YLPM1: variants seen among roughly 807,000 people sequenced by gnomAD.
The protein encoded by YLPM1 is YLP motif containing 1, also known as YLP motif-containing protein 1.
YLPM1 carries 99 observed loss-of-function variants against 230.0 expected under a neutral mutation model. That is an observed-to-expected ratio of 0.43 (90% CI 0.37 to 0.51). The LOEUF is 0.51. Among genes scored for constraint, YLPM1 ranks in the 20% least tolerant of loss-of-function variants. YLPM1 has a pLI of 0.00. For missense variants in YLPM1, 2,592 were observed against 2,707.7 expected (o/e 0.96, Z 0.95); for synonymous variants, 984 against 942.5 (o/e 1.04, Z -0.81).
At chr14:74,829,057 C>T (rs1362052342) in intron 18 of YLPM1, among the ~76,000 whole-genome samples, 156 bp from the exon 19 acceptor site, 1 of 152,190 alleles carries the variant, frequency 6.6e-6, no homozygotes, top group African/African-American at 2.4e-5. Flanking sequence ...TTGATATTAT[C>T]TCAGCCAAGA....
At position 74,799,021 on chromosome 14, in the gene YLPM1, T is replaced by C. The variant is rs1245491255; in HGVS notation, c.3724T>C (p.Tyr1242His). ...CTATCAAGATGATACACTAGAGCTCTATAACAGAGAGGACAGGTTCTCAGC... is the reference window on the plus strand; with the variant it reads ...CTATCAAGATGATACACTAGAGCTCCATAACAGAGAGGACAGGTTCTCAGC... ...RDYQDDTLEL[Y>H]NREDRFSAPP... The change falls in exon 5 of 21, where the codon TAT (tyrosine) becomes CAT (histidine). Residue 1242 changes from tyrosine to histidine, a missense_variant. Coordinates refer to ENST00000325680, the MANE Select transcript of YLPM1 (RefSeq NM_019589.3). 5.0e-6 allele frequency: 8 copies of C among 1,613,750 alleles called. No individual in the cohort carries two copies. Among genetic ancestry groups the C allele is most frequent in the Admixed American group, 1.7e-5 (1 of 60,006 alleles).
In YLPM1 at chr14:74,793,826, CTGGT is replaced by C. The variant is rs1388902513; in HGVS notation, c.2283-3751_2283-3748del. ...AAGAGACATTCAGCCTAAGGAAAGGCTGGTTGATGGTTCCGAATATAGATTTACG... is the reference window on the plus strand; with the variant it reads ...AAGAGACATTCAGCCTAAGGAAAGGCTGATGGTTCCGAATATAGATTTACG... On this transcript the variant is annotated intron_variant, in intron 4 of 20. Transcript: ENST00000325680. Among the ~76,000 whole-genome samples, 6 of 152,174 alleles carry C rather than the reference CTGGT, an allele frequency of 3.9e-5. No homozygotes were observed. In the East Asian group the frequency reaches 1.2e-3, roughly 29 times the overall value.
At chr14:74,768,951 G>A (rs544813758) in intron 1 of YLPM1, among the ~76,000 whole-genome samples, 31 of 151,956 alleles carry the variant, frequency 2.0e-4, no homozygotes, top group Non-Finnish European at 4.1e-4. Context: ...AGGATCTAGC[G>A]CATAGGAGGT....
chr14:74,770,439 C>T (rs1047136594), intron 1 of YLPM1, among the ~76,000 whole-genome samples: 1 of 151,840 alleles, frequency 6.6e-6, no homozygotes, highest in African/African-American at 2.4e-5. Flanking sequence ...GCCTGGCCAA[C>T]ATGGTGAAAT....
chr14:74,831,887 G>T lies in YLPM1; in HGVS notation c.6294+2544G>T, dbSNP rs574659535. Among the ~76,000 whole-genome samples, 8 of 152,284 alleles carry T rather than the reference G, an allele frequency of 5.3e-5. No individual in the cohort carries two copies. In the East Asian group the frequency reaches 1.3e-3, roughly 26 times the overall value. On this transcript the variant is annotated intron_variant, in intron 19 of 20. Transcript: ENST00000325680. ...TGGTTCTGTAGAGTTGGTTATATTA[G>T]AATTTTGCCTAAATGGCTAGGCTTT...
chr14:74,793,861 T>C (rs190424605), intron 4 of YLPM1, among the ~76,000 whole-genome samples: 2 of 152,346 alleles, frequency 1.3e-5, no homozygotes, highest in Admixed American at 6.5e-5. Context: ...TTACGTATTT[T>C]TAGCCCCAAG....
chr14:74,813,943 G>C (rs373595508), intron 11 of YLPM1, among the ~76,000 whole-genome samples: 42 of 152,258 alleles, frequency 2.8e-4, no homozygotes, highest in African/African-American at 9.4e-4. Context: ...TGAATTGAAT[G>C]CCTTTTATTT....
intron 17 of YLPM1, chr14:74,823,968 A>G (rs1000876198): frequency 1.0e-5 from 3 of 292,846 alleles, no homozygotes; most frequent in Non-Finnish European, 1.3e-5. Context: ...TTTGCTATAC[A>G]GCTGTTGTTC....
chr14:74,835,390 C>CA lies in YLPM1; in HGVS notation c.6422dup (p.Asn2141LysfsTer12). On this transcript the variant is annotated frameshift_variant, in exon 20 of 21. Coordinates refer to ENST00000325680, the MANE Select transcript of YLPM1 (RefSeq NM_019589.3). LOFTEE classifies it high-confidence loss of function. ...GTGGTCACCTGGCTGAAAAAGCCCTCAATCGAACCAAATATATATGAGACT... is the reference window on the plus strand; with the variant it reads ...GTGGTCACCTGGCTGAAAAAGCCCTCAAATCGAACCAAATATATATGAGACT... The CA allele has an allele frequency of 6.2e-7, 1 of 1,613,586 alleles. No homozygotes were observed. Among genetic ancestry groups the CA allele is most frequent in the Non-Finnish European group, 8.5e-7 (1 of 1,179,636 alleles).
In YLPM1 at chr14:74,812,803, T is replaced by G. The variant is rs751898668; in HGVS notation, c.5502+21T>G. The G allele has an allele frequency of 1.9e-5, 31 of 1,606,866 alleles. 1 individual carries two copies. The South Asian group carries it at 3.1e-4, about 16-fold the overall frequency. On this transcript the variant is annotated intron_variant, in intron 11 of 20. Transcript: ENST00000325680. ...AGAGAGTGAGTCCTATGAAGTTGAT[T>G]CGTCTTCGTGCAAACCAGAAGATAA... is the stretch of plus-strand genomic sequence containing the variant.
At chr14:74,784,757 C>T (rs1020450290) in intron 4 of YLPM1, among the ~76,000 whole-genome samples, 6 of 152,250 alleles carry the variant, frequency 3.9e-5, no homozygotes, top group African/African-American at 1.4e-4. Flanking sequence ...TACAGCATGT[C>T]ACTACAGTTA....
chr14:74,784,414 C>G (rs1025111696), intron 4 of YLPM1, among the ~76,000 whole-genome samples: 3 of 152,148 alleles, frequency 2.0e-5, no homozygotes, highest in Admixed American at 2.0e-4. Flanking sequence ...CTTATTTATT[C>G]CTCTTAGTGA....
At chr14:74,811,965 T>C (rs1465210387) in intron 10 of YLPM1, among the ~76,000 whole-genome samples, 1 of 152,232 alleles carries the variant, frequency 6.6e-6, no homozygotes, top group Non-Finnish European at 1.5e-5. Flanking sequence ...CCTACCATAC[T>C]ACAGCTATTA....
intron 1 of YLPM1, among the ~76,000 whole-genome samples, chr14:74,774,608 G>C (rs889114474): frequency 4.6e-5 from 7 of 152,030 alleles, no homozygotes; most frequent in African/African-American, 1.7e-4. Flanking sequence ...GGGTTTCACC[G>C]TGTTAGCCAG....
chr14:74,764,315 C>G lies in YLPM1; in HGVS notation c.826C>G (p.Gln276Glu), dbSNP rs771016541. The change falls in exon 1 of 21, where the codon CAG becomes GAG. Residue 276 changes from glutamine to glutamate, a missense_variant. Physicochemically the swap from Gln to Glu is conservative, Grantham distance 29. Around this residue, in one of 4 missense-constraint regions of YLPM1, gnomAD observed 1,862 missense variants for 1,819.8 expected, o/e 1.02. Coordinates refer to ENST00000325680, the MANE Select transcript of YLPM1 (RefSeq NM_019589.3). Reference protein sequence around the residue: ...ESGAKNKSTEQQQAAPEPDPS... With the variant: ...ESGAKNKSTEEQQAAPEPDPS... ...TGGGGCCAAAAACAAGAGTACTGAA[C>G]AGCAGCAAGCCGCCCCTGAGCCAGA... 3.1e-6 allele frequency: 5 copies of G among 1,613,416 alleles called. No homozygotes were observed. The highest frequency in any genetic ancestry group is 4.2e-6 in the Non-Finnish European group (5 of 1,179,692).
chr14:74,781,060 A>T (rs1594814021), intron 3 of YLPM1, among the ~76,000 whole-genome samples: 1 of 152,240 alleles, frequency 6.6e-6, no homozygotes, highest in South Asian at 2.1e-4. Flanking sequence ...GAAATTATCC[A>T]TATTAAAAAC....
Position 74,798,305 on chromosome 14 carries a change from CAGATAATAG to C in YLPM1, c.3019_3027del (p.Asp1007_Arg1009del). On this transcript the variant is annotated inframe_deletion, in exon 5 of 21. Transcript: ENST00000325680. ...AACCAAGATAAAGGCCTGCCTCGGC[CAGATAATAG>C]AGATAATAGATTAGAAGGCAATAGA... 2 of 1,613,852 alleles carry C rather than the reference CAGATAATAG, an allele frequency of 1.2e-6. No individual in the cohort carries two copies. The highest frequency in any genetic ancestry group is 8.5e-7 in the Non-Finnish European group (1 of 1,179,866).
At chr14:74,790,276 T>C (rs1342117927) in intron 4 of YLPM1, among the ~76,000 whole-genome samples, 2 of 152,200 alleles carry the variant, frequency 1.3e-5, no homozygotes, top group Non-Finnish European at 2.9e-5. Context: ...CCATTTGTTA[T>C]GGTTGTTCTT....
intron 19 of YLPM1, among the ~76,000 whole-genome samples, chr14:74,830,910 A>G (rs1035304751): frequency 9.2e-5 from 14 of 152,206 alleles, no homozygotes; most frequent in Admixed American, 3.3e-4. Context: ...ACAATTCAAC[A>G]TGAGATTTGA....
Sources: gnomAD v4.1 joint callset for allele counts (sites outside exome capture counted in the v4.1 genomes callset) on GRCh38, gnomAD v4.1.1 for gene constraint, gnomAD v4.1.1 regional missense constraint, MANE v1.5 for transcripts, NCBI Gene and HGNC (gene_info 2026-07-23, HGNC 2026-07-21) for gene names.